Variants in TBXAS1 observed in about 807,000 individuals in gnomAD.
The protein encoded by TBXAS1 is thromboxane A synthase 1.
A neutral mutation model predicts 60.7 loss-of-function variants in TBXAS1; 48 were observed. That is an observed-to-expected ratio of 0.79 (90% CI 0.63 to 1.01). The LOEUF (loss-of-function observed/expected upper bound fraction) is 1.01. TBXAS1 is among the 50% of genes least tolerant of loss of function. The pLI is 0.00. For synonymous variants in TBXAS1, 287 were observed against 269.7 expected, an observed-to-expected ratio of 1.06 and a Z score of -0.63; for missense variants, 685 against 686.3, an observed-to-expected ratio of 1.00 and a Z score of 0.02.
At chr7:139,958,291 A>C (rs1810038316) in intron 8 of TBXAS1, among the ~76,000 whole-genome samples, 1 of 152,180 alleles carries the variant, frequency 6.6e-6, no homozygotes, top group Admixed American at 6.5e-5. Flanking sequence ...ACTCCTTGGC[A>C]CGATTCATAT....
intron 4 of TBXAS1, among the ~76,000 whole-genome samples, chr7:139,804,155 G>A (rs1033209939): frequency 6.6e-6 from 1 of 152,348 alleles, no homozygotes; most frequent in East Asian, 1.9e-4. Context: ...CAGAGGCAGA[G>A]CTGCCCAGGG....
Position 139,953,419 on chromosome 7 carries a change from C to A in TBXAS1, c.502C>A (p.Arg168Ser). Residue 168 changes from arginine to serine, a missense_variant, in exon 6 of 13, where the codon CGC becomes AGC. Arg to Ser is a moderately radical substitution (Grantham distance 110). Coordinates refer to ENST00000448866, the MANE Select transcript of TBXAS1 (RefSeq NM_001061.7). ...CGACCTTCTCCTGGCTCATTTAAAACGCTATGCGGAATCTGGGGACGCATT... is the reference window on the plus strand; with the variant it reads ...CGACCTTCTCCTGGCTCATTTAAAAAGCTATGCGGAATCTGGGGACGCATT... ...ACDLLLAHLK[R>S]YAESGDAFDI... 1.2e-6 allele frequency: 2 copies of A among 1,614,184 alleles called. No individual in the cohort carries two copies. The highest frequency in any genetic ancestry group is 1.7e-6 in the Non-Finnish European group (2 of 1,180,016).
At chr7:139,939,630 A>C (rs1808117284) in intron 5 of TBXAS1, among the ~76,000 whole-genome samples, 1 of 151,976 alleles carries the variant, frequency 6.6e-6, no homozygotes, top group Admixed American at 6.6e-5. Flanking sequence ...GAGACCCTTC[A>C]AGAAGAAGTT....
chr7:139,843,911 T>C (rs879902440), intron 1 of TBXAS1, among the ~76,000 whole-genome samples: 1 of 152,234 alleles, frequency 6.6e-6, no homozygotes, highest in Admixed American at 6.5e-5. Flanking sequence ...GGTAGTGTGT[T>C]CTTAGCACCT....
chr7:139,951,273 A>T (rs1243742575), intron 5 of TBXAS1, among the ~76,000 whole-genome samples: 3 of 152,204 alleles, frequency 2.0e-5, no homozygotes, highest in Non-Finnish European at 4.4e-5. Context: ...TAGAAAAGTC[A>T]ACATAAAACT....
chr7:139,998,889 C>A (rs560366125), intron 9 of TBXAS1, among the ~76,000 whole-genome samples: 1 of 152,338 alleles, frequency 6.6e-6, no homozygotes, highest in East Asian at 1.9e-4. Context: ...CTGGAAAAAT[C>A]TCTGTGTTTT....
intron 5 of TBXAS1, among the ~76,000 whole-genome samples, chr7:139,948,164 C>T (rs920986672): frequency 4.6e-5 from 7 of 152,116 alleles, no homozygotes; most frequent in Non-Finnish European, 1.0e-4. Context: ...TGTGCCAGGC[C>T]CAGACATGTA....
intron 3 of TBXAS1, among the ~76,000 whole-genome samples, chr7:139,898,889 A>G (rs1804337009): frequency 6.6e-6 from 1 of 152,096 alleles, no homozygotes; most frequent in Admixed American, 6.5e-5. Context: ...CTGTTAAATT[A>G]CAGGACAAAG....
At chr7:139,808,282 G>T (rs1291161740) in intron 4 of TBXAS1, among the ~76,000 whole-genome samples, 6 of 152,088 alleles carry the variant, frequency 3.9e-5, no homozygotes, top group Non-Finnish European at 8.8e-5. Context: ...AGATTGTGGT[G>T]AGCTGAGATC....
At position 139,985,404 on chromosome 7, in the gene TBXAS1, C is replaced by T. The variant is rs148184124; in HGVS notation, c.1135-21687C>T. 2.8e-3 allele frequency among the ~76,000 whole-genome samples: 430 copies of T among 152,282 alleles called. 2 individuals carry two copies. Among genetic ancestry groups the T allele is most frequent in the African/African-American group, 9.6e-3 (397 of 41,554 alleles). On this transcript the variant is annotated intron_variant, in intron 9 of 12. Transcript: ENST00000448866. ...TGGGCTGATGGTGTGGAGTACAGAG[C>T]GGTAGCCGCTGCCCTGTTATCAGCT...
intron 3 of TBXAS1, among the ~76,000 whole-genome samples, chr7:139,903,020 T>C (rs1804697425): frequency 6.6e-6 from 1 of 152,088 alleles, no homozygotes; most frequent in South Asian, 2.1e-4. Flanking sequence ...TGGTGATTTC[T>C]GAGATTTTGG....
At chr7:139,951,088 A>G (rs1296445579) in intron 5 of TBXAS1, among the ~76,000 whole-genome samples, 1 of 152,202 alleles carries the variant, frequency 6.6e-6, no homozygotes, top group Non-Finnish European at 1.5e-5. Context: ...TGAATATTCC[A>G]GAGAAGATAA....
intron 1 of TBXAS1, among the ~76,000 whole-genome samples, chr7:139,832,891 T>A (rs1798801724): frequency 6.6e-6 from 1 of 152,154 alleles, no homozygotes; most frequent in Admixed American, 6.5e-5. Flanking sequence ...GATACAGTCG[T>A]TTTCAGACAA....
chr7:139,937,234 C>T (rs1353653045), intron 5 of TBXAS1, among the ~76,000 whole-genome samples: 1 of 152,218 alleles, frequency 6.6e-6, no homozygotes, highest in East Asian at 1.9e-4. Flanking sequence ...ACACAGGCAT[C>T]TCTAGAGCAA....
chr7:139,906,189 G>C lies in TBXAS1; in HGVS notation c.237-5036G>C, dbSNP rs1242643579. 1.1e-5 allele frequency: 3 copies of C among 269,152 alleles called. No individual in the cohort carries two copies. The East Asian group carries it at 4.1e-4, about 37-fold the overall frequency. The allele number at this position is 269,152 out of a possible 1,614,324, so 16.7% of individuals were successfully genotyped here. ...TCCTGCCTCAGCCTCCTGAGTAGCT[G>C]GCACTACAGGTATGTGCCACCATGC... On this transcript the variant is annotated intron_variant, in intron 3 of 12. Transcript: ENST00000448866.
At chr7:139,802,146 A>G (rs1374039553) in intron 4 of TBXAS1, among the ~76,000 whole-genome samples, 1 of 152,138 alleles carries the variant, frequency 6.6e-6, no homozygotes, top group Non-Finnish European at 1.5e-5. Flanking sequence ...ATGGAGTCTG[A>G]GATTTTTATC....
At chr7:139,829,072 T>G, upstream of TBXAS1, 1 of 431,826 alleles carries the variant, frequency 2.3e-6, no homozygotes, top group South Asian at 1.9e-5. Context: ...TACAACCATT[T>G]TGTTTCTCAG....
intron 3 of TBXAS1, among the ~76,000 whole-genome samples, chr7:139,883,070 G>T (rs543302199): frequency 6.6e-6 from 1 of 152,142 alleles, no homozygotes. Context: ...TTTGAGAATA[G>T]GAAGAAAGTT....
rs779880193 is a variant in TBXAS1, at chr7:139,955,503, T to C, written c.584T>C (p.Phe195Ser). ...YTTDVVASVA[F>S]GTPVDSWQAP... ...ACAGATGTGGTTGCCAGCGTCGCCTTTGGCACCCCGGTGGACTCCTGGCAG... is the reference window on the plus strand; with the variant it reads ...ACAGATGTGGTTGCCAGCGTCGCCTCTGGCACCCCGGTGGACTCCTGGCAG... The change falls in exon 7 of 13, where the codon TTT becomes TCT. Residue 195 changes from phenylalanine (F) to serine (S), a missense_variant. Phe to Ser is a radical substitution (Grantham distance 155). Transcript: ENST00000448866. 56 of 1,614,220 alleles carry C rather than the reference T, an allele frequency of 3.5e-5. No homozygotes were observed. The highest frequency in any genetic ancestry group is 1.6e-4 in the Middle Eastern group (1 of 6,062).
Sources: allele counts gnomAD v4.1 joint callset (sites outside exome capture counted in the v4.1 genomes callset), GRCh38; gene constraint gnomAD v4.1.1; transcripts MANE v1.5; gene names NCBI Gene and HGNC (gene_info 2026-07-23, HGNC 2026-07-21).